ANAPC10: variants seen among roughly 807,000 people sequenced by gnomAD.
The protein encoded by ANAPC10 is anaphase promoting complex subunit 10.
A neutral mutation model predicts 22.0 loss-of-function variants in ANAPC10; 12 were observed. The observed-to-expected ratio is 0.55, with a 90% CI of 0.35 to 0.88. The LOEUF is 0.88. Among genes scored for constraint, ANAPC10 ranks in the 40% least tolerant of loss-of-function variants. The pLI is 0.01. For synonymous variants in ANAPC10, 65 were observed against 69.5 expected (o/e 0.94, Z 0.32); for missense variants, 188 against 220.9 (o/e 0.85, Z 0.94).
chr4:145,016,067 G>T (rs904751883), intron 4 of ANAPC10, among the ~76,000 whole-genome samples: 2 of 152,148 alleles, frequency 1.3e-5, no homozygotes, highest in East Asian at 3.9e-4. Context: ...CACGAGACAG[G>T]GATGCCCTCT....
intron 3 of ANAPC10, among the ~76,000 whole-genome samples, chr4:145,081,370 T>C (rs1745994323): frequency 6.6e-6 from 1 of 152,090 alleles, no homozygotes; most frequent in Non-Finnish European, 1.5e-5. Context: ...GCAAAATATA[T>C]CTTTCTGAAA....
chr4:145,036,996 G>A (rs1450358818), intron 4 of ANAPC10, among the ~76,000 whole-genome samples: 1 of 12,642 alleles, frequency 7.9e-5, no homozygotes, highest in African/African-American at 2.5e-4. Context: ...AATAGATAAC[G>A]TGTGTGTGTG....
chr4:144,995,315 T>C lies in ANAPC10; in HGVS notation c.*58A>G, dbSNP rs983583733. On this transcript the variant is annotated 3_prime_UTR_variant, in exon 5 of 5. Coordinates refer to ENST00000507656, the MANE Select transcript of ANAPC10 (RefSeq NM_001256706.2). ...TTGTTCAATAAAGGTACATGATATA[T>C]TATTTAAATACAGGATAAAACAAAG... 2.5e-5 allele frequency: 28 copies of C among 1,099,574 alleles called. No homozygotes were observed. The African/African-American group carries it at 3.8e-4, about 15-fold the overall frequency. 68.1% of individuals were successfully genotyped at this position (1,099,574 alleles called of 1,614,324 possible).
At position 145,058,963 on chromosome 4, in the gene ANAPC10, G is replaced by T. The variant is rs573165747; in HGVS notation, c.327+5609C>A. 1.8e-4 allele frequency among the ~76,000 whole-genome samples: 27 copies of T among 152,174 alleles called. 2 individuals carry two copies. The South Asian group carries it at 5.6e-3, about 32-fold the overall frequency. ...ACAATGACTTCAAAGATGAACTAAAGTTAGTTATGAAACTACTTTTTTAAA... is the reference window on the plus strand; with the variant it reads ...ACAATGACTTCAAAGATGAACTAAATTTAGTTATGAAACTACTTTTTTAAA... On this transcript the variant is annotated intron_variant, in intron 4 of 4. Coordinates refer to ENST00000507656, the MANE Select transcript of ANAPC10 (RefSeq NM_001256706.2).
At chr4:145,022,547 C>A (rs1033690586) in intron 4 of ANAPC10, among the ~76,000 whole-genome samples, 10 of 151,888 alleles carry the variant, frequency 6.6e-5, no homozygotes, top group Non-Finnish European at 1.0e-4. Flanking sequence ...ATACTACAAA[C>A]AGGGTGGTGC....
intron 2 of ANAPC10, among the ~76,000 whole-genome samples, chr4:145,083,720 AT>A (rs1746444135): frequency 1.3e-5 from 2 of 152,066 alleles, no homozygotes; most frequent in South Asian, 4.1e-4. Flanking sequence ...CTTTTATAAA[AT>A]TTTTTTAACG....
chr4:145,034,745 A>AAGGAAGGC (rs1211129841), intron 4 of ANAPC10, among the ~76,000 whole-genome samples: 4 of 151,744 alleles, frequency 2.6e-5, no homozygotes, highest in African/African-American at 7.3e-5. Flanking sequence ...GGGGACAGGG[A>AAGGAAGGC]AGGAAGGCAG....
At chr4:145,034,988 A>C (rs1264729100) in intron 4 of ANAPC10, 2 of 152,450 alleles carry the variant, frequency 1.3e-5, no homozygotes, top group Admixed American at 1.3e-4. Flanking sequence ...CAGAGATCTG[A>C]GAGGAACATT....
intron 4 of ANAPC10, among the ~76,000 whole-genome samples, chr4:145,060,647 C>T (rs899561707): frequency 6.6e-6 from 1 of 151,858 alleles, no homozygotes; most frequent in African/African-American, 2.4e-5. Flanking sequence ...GGCAAACATC[C>T]ACGGAAAAAT....
rs530554800 is a variant in ANAPC10 at position 145,033,457 on chromosome 4, G to A, written c.327+31115C>T. 1.8e-4 allele frequency: 28 copies of A among 152,354 alleles called. 1 individual carries two copies. Among genetic ancestry groups the A allele is most frequent in the African/African-American group, 6.3e-4 (26 of 41,572 alleles). The allele number at this position is 152,354 out of a possible 1,614,324, so 9.4% of individuals were successfully genotyped here. A position where few individuals can be genotyped will look rare whatever the true frequency, so the allele number is the denominator to read the frequency against. ...GGCTCCTCTTACCTTTAAGTCAATA[G>A]GCTAAAAAGGGAGTTACAGTGTTGG... On this transcript the variant is annotated intron_variant, in intron 4 of 4. Transcript: ENST00000507656.
chr4:145,021,495 C>T (rs1448101302), intron 4 of ANAPC10, among the ~76,000 whole-genome samples: 3 of 152,122 alleles, frequency 2.0e-5, no homozygotes, highest in South Asian at 4.1e-4. Context: ...AAACTGGATC[C>T]TCATCTCTCA....
intron 4 of ANAPC10, among the ~76,000 whole-genome samples, chr4:145,061,834 G>A (rs546423025): frequency 2.6e-5 from 4 of 152,102 alleles, no homozygotes; most frequent in Non-Finnish European, 5.9e-5. Flanking sequence ...GAGGCCAGGC[G>A]CGGTGGCTCA....
rs1264256557 is a variant in ANAPC10, at chr4:144,994,960, G to A, written c.*413C>T. Reference sequence around the variant, plus strand: ...ATAGTAATTTTGACCTATTAAAGATGATATATATTGATAAAACACAGTCTT... The same window carrying A: ...ATAGTAATTTTGACCTATTAAAGATAATATATATTGATAAAACACAGTCTT... On this transcript the variant is annotated 3_prime_UTR_variant, in exon 5 of 5. Coordinates refer to ENST00000507656, the MANE Select transcript of ANAPC10 (RefSeq NM_001256706.2). 1.9e-5 allele frequency: 3 copies of A among 154,984 alleles called. No homozygotes were observed. Among genetic ancestry groups the A allele is most frequent in the African/African-American group, 4.8e-5 (2 of 41,418 alleles). 9.6% of individuals were successfully genotyped at this position (154,984 alleles called of 1,614,324 possible).
chr4:145,044,767 G>A (rs1740044651), intron 4 of ANAPC10, among the ~76,000 whole-genome samples: 1 of 151,804 alleles, frequency 6.6e-6, no homozygotes, highest in South Asian at 2.1e-4. Context: ...GCTAACTAAT[G>A]GGCTTTTTAG....
At chr4:145,069,078 G>A (rs555202546) in intron 3 of ANAPC10, among the ~76,000 whole-genome samples, 3 of 152,288 alleles carry the variant, frequency 2.0e-5, no homozygotes, top group South Asian at 2.1e-4. Flanking sequence ...AAGAAAGTCC[G>A]AGACATCTGC....
At chr4:145,074,654 C>G (rs1388157226) in intron 3 of ANAPC10, among the ~76,000 whole-genome samples, 1 of 152,106 alleles carries the variant, frequency 6.6e-6, no homozygotes, top group Non-Finnish European at 1.5e-5. Context: ...TTAATTAGAC[C>G]TAATCAGAAC....
intron 4 of ANAPC10, among the ~76,000 whole-genome samples, chr4:145,002,577 CAAAA>C (rs1732738377): frequency 6.6e-6 from 1 of 152,000 alleles, no homozygotes; most frequent in African/African-American, 2.4e-5. Flanking sequence ...AGACGCATAA[CAAAA>C]GAACAACTAG....
At chr4:145,080,117 A>G (rs1221003808) in intron 3 of ANAPC10, among the ~76,000 whole-genome samples, 7 of 149,012 alleles carry the variant, frequency 4.7e-5, no homozygotes, top group African/African-American at 1.5e-4. Flanking sequence ...CTGTCTCAAA[A>G]AAAAAAAAAA....
At chr4:145,067,868 A>C (rs1196088283) in intron 3 of ANAPC10, among the ~76,000 whole-genome samples, 1 of 152,202 alleles carries the variant, frequency 6.6e-6, no homozygotes, top group African/African-American at 2.4e-5. Flanking sequence ...CCATATGACT[A>C]AGTTATGGCC....
Sources: gnomAD v4.1 joint callset for allele counts (sites outside exome capture counted in the v4.1 genomes callset) on GRCh38, gnomAD v4.1.1 for gene constraint, MANE v1.5 for transcripts, NCBI Gene and HGNC (gene_info 2026-07-23, HGNC 2026-07-21) for gene names.